Variants in TBCB observed in about 807,000 individuals in gnomAD.
TBCB encodes tubulin-folding cofactor B.
Under a neutral mutation model 29.2 loss-of-function variants are expected in TBCB, and 18 were observed. The observed-to-expected ratio is 0.62, with a 90% CI of 0.43 to 0.91. The LOEUF (loss-of-function observed/expected upper bound fraction) is 0.91. TBCB is among the 40% of genes least tolerant of loss of function. The pLI is 0.00. For missense variants in TBCB, 336 were observed against 337.6 expected (o/e 1.00, Z 0.04); for synonymous variants, 172 against 137.8 (o/e 1.25, Z -1.74).
At chr19:36,117,585 CAA>C (rs2145906378) in intron 2 of TBCB, among the ~76,000 whole-genome samples, 1 of 152,204 alleles carries the variant, frequency 6.6e-6, no homozygotes, top group South Asian at 2.1e-4. Context: ...CTCCTGACCT[CAA>C]GTGATCTGCC....
intron 3 of TBCB, 134 bp from the exon 4 acceptor site, chr19:36,121,393 C>T: frequency 5.4e-6 from 6 of 1,116,564 alleles, no homozygotes; most frequent in Non-Finnish European, 7.5e-6. Flanking sequence ...GGTGGGAGAC[C>T]TGGGGCTTGG....
In TBCB at chr19:36,115,607, G is replaced by A; in HGVS notation, c.47G>A (p.Ser16Asn). Reference sequence around the variant, plus strand: ...GCACCCACGGTGACCGTTTTCATCAGCAGCTCCCTCAACACCTTCCGCTCC... The same window carrying A: ...GCACCCACGGTGACCGTTTTCATCAACAGCTCCCTCAACACCTTCCGCTCC... ...VSAPTVTVFI[S>N]SSLNTFRSEK... Residue 16 changes from serine to asparagine, a missense_variant, in exon 1 of 6, where the codon AGC becomes AAC. Coordinates refer to ENST00000221855, the MANE Select transcript of TBCB (RefSeq NM_001281.3). 6.2e-7 allele frequency: 1 copy of A among 1,610,204 alleles called. No homozygotes were observed. The highest frequency in any genetic ancestry group is 8.5e-7 in the Non-Finnish European group (1 of 1,178,596).
upstream of TBCB, chr19:36,114,992 T>C (rs1973918512): frequency 1.2e-6 from 1 of 848,260 alleles, no homozygotes; most frequent in Admixed American, 2.4e-5. The surrounding 1 kb of genome is among the most constrained non-coding windows in gnomAD (Gnocchi z 4.5). Context: ...CCCCGCCGCC[T>C]CGGGCTCGGC....
In TBCB at chr19:36,116,047, C is replaced by T. The variant is rs779784608; in HGVS notation, c.121C>T (p.Leu41=). Residue 41 remains leucine, a synonymous_variant, in exon 2 of 6, where the codon CTG becomes TTG. Coordinates refer to ENST00000221855, the MANE Select transcript of TBCB (RefSeq NM_001281.3). ...SLTIAEFKCK[L]ELLVGSPASC... is the part of the protein sequence containing the mutation. ...CCCTGCCTCCTCCTCACAGTGTAAACTGGAGTTGCTGGTGGGCAGCCCTGC... is the reference window on the plus strand; with the variant it reads ...CCCTGCCTCCTCCTCACAGTGTAAATTGGAGTTGCTGGTGGGCAGCCCTGC... 2 of 1,614,012 alleles carry T rather than the reference C, an allele frequency of 1.2e-6. No individual in the cohort carries two copies. The highest frequency in any genetic ancestry group is 2.2e-5 in the South Asian group (2 of 91,082).
intron 4 of TBCB, among the ~76,000 whole-genome samples, chr19:36,123,921 C>T (rs1294741210): frequency 6.6e-6 from 1 of 152,162 alleles, no homozygotes; most frequent in Non-Finnish European, 1.5e-5. Flanking sequence ...TTTCATTTCT[C>T]TGTGCCTAGG....
chr19:36,125,693 T>TGCCAG lies in TBCB; in HGVS notation c.651_655dup (p.Lys219ArgfsTer13). On this transcript the variant is annotated frameshift_variant, in exon 6 of 6. Coordinates refer to ENST00000221855, the MANE Select transcript of TBCB (RefSeq NM_001281.3). LOFTEE classifies it high-confidence loss of function. ...TGTGAATGGGAAACGCTACTTCGAA[T>TGCCAG]GCCAGGCCAAGTATGGCGCCTTTGT... The TGCCAG allele has an allele frequency of 6.3e-7, 1 of 1,582,270 alleles. No homozygotes were observed.
Position 36,125,815 on chromosome 19 carries a change from C to A in TBCB, c.*33C>A. On this transcript the variant is annotated 3_prime_UTR_variant, in exon 6 of 6. Coordinates refer to ENST00000221855, the MANE Select transcript of TBCB (RefSeq NM_001281.3). ...GGAATTCCCCTGCTTCAGCTCCTAGCTCAGCCACTGACTGCCCCTCCTGTG... is the reference window on the plus strand; with the variant it reads ...GGAATTCCCCTGCTTCAGCTCCTAGATCAGCCACTGACTGCCCCTCCTGTG... 1 of 1,451,012 alleles carries A rather than the reference C, an allele frequency of 6.9e-7. No homozygotes were observed. The highest frequency in any genetic ancestry group is 9.2e-7 in the Non-Finnish European group (1 of 1,088,002). 89.9% of individuals were successfully genotyped at this position (1,451,012 alleles called of 1,614,324 possible). A position where few individuals can be genotyped will look rare whatever the true frequency, so the allele number is the denominator to read the frequency against.
chr19:36,120,669 G>C (rs1380612153), intron 2 of TBCB, 41 bp from the exon 3 acceptor site: 2 of 1,599,224 alleles, frequency 1.3e-6, no homozygotes, highest in Non-Finnish European at 1.7e-6. Context: ...AGGCCTCCCT[G>C]GCCAGACCCT....
intron 4 of TBCB, chr19:36,121,979 G>A: frequency 1.8e-6 from 1 of 565,264 alleles, no homozygotes; most frequent in Non-Finnish European, 3.1e-6. Flanking sequence ...CACGCGGCCT[G>A]TGCGCTTCGA....
intron 1 of TBCB, 45 bp downstream of exon 1, chr19:36,115,719 TGGG>T (rs1290491565): frequency 1.4e-5 from 6 of 414,404 alleles, no homozygotes; most frequent in Non-Finnish European, 2.0e-5. Context: ...GCGAAGAAAT[TGGG>T]GGGTTCCCGG....
Position 36,115,485 on chromosome 19 carries a change from AGCAGCG to A in TBCB, c.-73_-68del. The A allele has an allele frequency of 8.8e-7, 1 of 1,135,016 alleles. No homozygotes were observed. The highest frequency in any genetic ancestry group is 1.3e-6 in the Non-Finnish European group (1 of 779,870). The allele number at this position is 1,135,016 out of a possible 1,614,324, so 70.3% of individuals were successfully genotyped here. A position where few individuals can be genotyped will look rare whatever the true frequency, so the allele number is the denominator to read the frequency against. On this transcript the variant is annotated 5_prime_UTR_variant, in exon 1 of 6. Transcript: ENST00000221855. ...GAGGCGGGGCTGATAGCCCAGCAGC[AGCAGCG>A]GCGGCGGCGGCTGCGGAGCGGGTGT...
intron 4 of TBCB, among the ~76,000 whole-genome samples, chr19:36,123,421 C>T (rs891194951): frequency 2.6e-5 from 4 of 152,138 alleles, no homozygotes; most frequent in African/African-American, 9.7e-5. Context: ...TCACCACCCC[C>T]GGCTAAAGTT....
At position 36,115,527 on chromosome 19, in the gene TBCB, G is replaced by T. The variant is rs1599861599; in HGVS notation, c.-34G>T. ...CTGCGGAGCGGGTGTGAGGCGGCTG[G>T]ACCGCGCTGCAGGCATCCGCAGGGC... is the stretch of plus-strand genomic sequence containing the variant. On this transcript the variant is annotated 5_prime_UTR_variant, in exon 1 of 6. Coordinates refer to ENST00000221855, the MANE Select transcript of TBCB (RefSeq NM_001281.3). 2 of 1,536,508 alleles carry T rather than the reference G, an allele frequency of 1.3e-6. No individual in the cohort carries two copies. The highest frequency in any genetic ancestry group is 1.4e-5 in the African/African-American group (1 of 72,748).
chr19:36,116,779 C>G (rs1180854909), intron 2 of TBCB: 1 of 152,228 alleles, frequency 6.6e-6, no homozygotes, highest in Non-Finnish European at 1.5e-5. Context: ...CAGGTGCCCA[C>G]CCAGCTAATT....
intron 4 of TBCB, among the ~76,000 whole-genome samples, chr19:36,123,525 A>G (rs1599866718): frequency 6.6e-6 from 1 of 152,014 alleles, no homozygotes; most frequent in Non-Finnish European, 1.5e-5. Flanking sequence ...TCAGCCTCCC[A>G]AAGTGCTGGG....
At chr19:36,120,848 G>A in intron 3 of TBCB, 42 bp downstream of exon 3, 1 of 1,597,600 alleles carries the variant, frequency 6.3e-7, no homozygotes, top group East Asian at 2.2e-5. Flanking sequence ...GGGGCCAGAG[G>A]GAGTATGTGC....
upstream of TBCB, chr19:36,115,009 C>G (rs966276087): frequency 4.0e-4 from 285 of 711,424 alleles, no homozygotes; most frequent in Non-Finnish European, 5.7e-4. Flanking sequence ...CGGCTCTCTC[C>G]GCGCAGAGGT....
intron 3 of TBCB, 68 bp from the exon 4 acceptor site, chr19:36,121,459 G>A: frequency 4.0e-6 from 6 of 1,488,676 alleles, no homozygotes; most frequent in Non-Finnish European, 5.4e-6. Flanking sequence ...TGGGCCCCTC[G>A]TGGGTGGAGC....
At chr19:36,115,793 G>A in intron 1 of TBCB, 119 bp downstream of exon 1, 1 of 1,158,330 alleles carries the variant, frequency 8.6e-7, no homozygotes. Flanking sequence ...ATCCCAGGCT[G>A]CGGAGGCTGG....
Sources: gnomAD v4.1 joint callset for allele counts (sites outside exome capture counted in the v4.1 genomes callset) on GRCh38, gnomAD v4.1.1 for gene constraint, Gnocchi (gnomAD v3.1) non-coding constraint, MANE v1.5 for transcripts, NCBI Gene and HGNC (gene_info 2026-07-23, HGNC 2026-07-21) for gene names.